The following CLSTN2 variants were observed in gnomAD, a reference collection of about 807,000 sequenced individuals.
CLSTN2 encodes calsyntenin-2.
In CLSTN2, 48 loss-of-function variants were observed where a neutral mutation model predicts 101.2. The ratio of observed to expected loss-of-function variants is 0.47; its 90% CI spans 0.38 to 0.60. The LOEUF (loss-of-function observed/expected upper bound fraction) is 0.60, where lower values mean the gene tolerates loss of function less well. Among genes scored for constraint, CLSTN2 ranks in the 20% least tolerant of loss-of-function variants. CLSTN2 has a pLI of 0.00. For synonymous variants in CLSTN2, 481 were observed against 463.6 expected, an observed-to-expected ratio of 1.04 and a Z score of -0.48; for missense variants, 1,160 against 1,238.2, an observed-to-expected ratio of 0.94 and a Z score of 0.95.
intron 6 of CLSTN2, among the ~76,000 whole-genome samples, chr3:140,458,389 T>G (rs1232817605): frequency 6.6e-6 from 1 of 151,990 alleles, no homozygotes. Context: ...CACTTTAGAC[T>G]CCCATTATTT....
chr3:140,165,975 A>T (rs73868790), intron 1 of CLSTN2, among the ~76,000 whole-genome samples: 7,139 of 152,120 alleles, frequency 0.047, 428 homozygotes, highest in African/African-American at 0.14. Context: ...GGGCTGGAAA[A>T]CAGGAGTGGA....
intron 2 of CLSTN2, among the ~76,000 whole-genome samples, chr3:140,316,813 A>G (rs2087235791): frequency 6.6e-6 from 1 of 152,180 alleles, no homozygotes; most frequent in Admixed American, 6.5e-5. Context: ...TTAATATTTC[A>G]TTTCACATAG....
intron 2 of CLSTN2, among the ~76,000 whole-genome samples, chr3:140,380,704 C>T (rs1479862): frequency 0.94 from 142,381 of 152,114 alleles, 67,346 homozygotes; most frequent in East Asian, 1. Flanking sequence ...CTCACTCATT[C>T]AGTAAGCATG....
At position 140,404,743 on chromosome 3, in the gene CLSTN2, T is replaced by C. The variant is rs1576550526; in HGVS notation, c.614T>C (p.Val205Ala). The change falls in exon 4 of 17, where the codon GTG (valine) becomes GCG (alanine). Residue 205 changes from valine (V) to alanine (A), a missense_variant. Physicochemically the swap from Val to Ala is moderately conservative, Grantham distance 64 (BLOSUM62 0). Coordinates refer to ENST00000458420, the MANE Select transcript of CLSTN2 (RefSeq NM_022131.3). ...ICNYEIVTTD[V>A]PFAIDRNGNI... ...AACTATGAAATCGTCACCACAGATG[T>C]GCCTTTTGCCATCGACAGAAATGGT... The C allele has an allele frequency of 6.2e-7, 1 of 1,614,182 alleles. No homozygotes were observed. Among genetic ancestry groups the C allele is most frequent in the East Asian group, 2.2e-5 (1 of 44,872 alleles).
chr3:140,087,527 G>A (rs1312557978), intron 1 of CLSTN2, among the ~76,000 whole-genome samples: 1 of 152,128 alleles, frequency 6.6e-6, no homozygotes, highest in African/African-American at 2.4e-5. Context: ...CTATTCATCT[G>A]TCCACTGATC....
intron 1 of CLSTN2, among the ~76,000 whole-genome samples, chr3:140,032,387 G>C (rs973926038): frequency 9.5e-5 from 14 of 148,038 alleles, no homozygotes; most frequent in Non-Finnish European, 1.8e-4. Context: ...CTAGGCTGGA[G>C]TGCAGTGGCG....
At chr3:140,284,492 A>G (rs1400985617) in intron 2 of CLSTN2, among the ~76,000 whole-genome samples, 3 of 152,174 alleles carry the variant, frequency 2.0e-5, no homozygotes, top group African/African-American at 7.2e-5. Context: ...CATTATTCAC[A>G]AACCGCAGGG....
intron 1 of CLSTN2, among the ~76,000 whole-genome samples, chr3:140,067,106 G>C (rs900162270): frequency 6.6e-6 from 1 of 152,132 alleles, no homozygotes; most frequent in African/African-American, 2.4e-5. Flanking sequence ...TTCACTCAAA[G>C]GGGAATGTGG....
At chr3:140,212,570 T>A (rs918738117) in intron 2 of CLSTN2, among the ~76,000 whole-genome samples, 1 of 152,182 alleles carries the variant, frequency 6.6e-6, no homozygotes, top group Non-Finnish European at 1.5e-5. Context: ...CTTATAATCC[T>A]TCAATGGCTC....
intron 2 of CLSTN2, among the ~76,000 whole-genome samples, chr3:140,387,166 G>C (rs974564619): frequency 5.3e-5 from 8 of 152,182 alleles, no homozygotes; most frequent in Middle Eastern, 3.2e-3. Context: ...TGAAAATGCA[G>C]GAAGAAAAGC....
chr3:140,145,970 A>G (rs959684242), intron 1 of CLSTN2, among the ~76,000 whole-genome samples: 1 of 152,194 alleles, frequency 6.6e-6, no homozygotes, highest in African/African-American at 2.4e-5. Flanking sequence ...CAAGAAGCCT[A>G]CCTTGTTTCT....
intron 2 of CLSTN2, among the ~76,000 whole-genome samples, chr3:140,229,225 T>TA (rs1216011254): frequency 6.6e-6 from 1 of 152,086 alleles, no homozygotes; most frequent in Admixed American, 6.5e-5. Flanking sequence ...GAGCAAAAGC[T>TA]AAAAAGAAGA....
chr3:139,942,113 G>A (rs1046526286), intron 1 of CLSTN2, among the ~76,000 whole-genome samples: 3 of 152,162 alleles, frequency 2.0e-5, no homozygotes, highest in Admixed American at 2.0e-4. Flanking sequence ...CTTGAGGAAG[G>A]CTCTGAGTGA....
intron 2 of CLSTN2, among the ~76,000 whole-genome samples, chr3:140,330,333 G>T (rs138655457): frequency 1.3e-5 from 2 of 152,322 alleles, no homozygotes; most frequent in East Asian, 3.9e-4. Flanking sequence ...TTCAGGTGCT[G>T]CCCGGAAGTG....
intron 2 of CLSTN2, among the ~76,000 whole-genome samples, chr3:140,302,940 T>C (rs2087074556): frequency 6.6e-6 from 1 of 152,294 alleles, no homozygotes; most frequent in South Asian, 2.1e-4. Flanking sequence ...GGGGCAGGAC[T>C]GTGATTCCTC....
At chr3:140,028,418 A>G (rs1233498807) in intron 1 of CLSTN2, among the ~76,000 whole-genome samples, 1 of 152,178 alleles carries the variant, frequency 6.6e-6, no homozygotes, top group Admixed American at 6.5e-5. Context: ...CACCTCCCTT[A>G]TGGTTCAGTG....
chr3:140,120,288 A>C (rs935820549), intron 1 of CLSTN2, among the ~76,000 whole-genome samples: 1 of 152,128 alleles, frequency 6.6e-6, no homozygotes, highest in Non-Finnish European at 1.5e-5. Context: ...CACAGAACTC[A>C]GGGAAACATG....
intron 1 of CLSTN2, among the ~76,000 whole-genome samples, chr3:139,947,296 C>T (rs1452064124): frequency 6.6e-6 from 1 of 152,206 alleles, no homozygotes; most frequent in African/African-American, 2.4e-5. Flanking sequence ...CATGCAAGGA[C>T]AGTTTAAGCC....
At chr3:140,151,164 T>G (rs1294867168) in intron 1 of CLSTN2, among the ~76,000 whole-genome samples, 1 of 152,148 alleles carries the variant, frequency 6.6e-6, no homozygotes, top group Admixed American at 6.5e-5. Flanking sequence ...AAGATCCTTT[T>G]GGACAAGTAG....
Sources: gnomAD v4.1 joint callset for allele counts (sites outside exome capture counted in the v4.1 genomes callset) on GRCh38, gnomAD v4.1.1 for gene constraint, MANE v1.5 for transcripts, NCBI Gene and HGNC (gene_info 2026-07-23, HGNC 2026-07-21) for gene names.